DOCK8: variants seen among roughly 807,000 people sequenced by gnomAD.
DOCK8 encodes the protein dedicator of cytokinesis 8, also known as dedicator of cytokinesis protein 8.
Under a neutral mutation model 245.6 loss-of-function variants are expected in DOCK8, and 141 were observed. The observed-to-expected ratio is 0.57, with a 90% CI of 0.50 to 0.66. The LOEUF (loss-of-function observed/expected upper bound fraction) is 0.66. Among genes scored for constraint, DOCK8 ranks in the 30% least tolerant of loss-of-function variants. The pLI is 0.00. For synonymous variants in DOCK8, 1,168 were observed against 970.2 expected (o/e 1.20, Z -3.79); for missense variants, 2,965 against 2,603.4 (o/e 1.14, Z -3.02).
chr9:264,486 T>G (rs1003186230), intron 1 of DOCK8, among the ~76,000 whole-genome samples: 3 of 152,096 alleles, frequency 2.0e-5, no homozygotes, highest in Non-Finnish European at 2.9e-5. Context: ...ATGGCTTGTC[T>G]GTTTATGAGA....
At chr9:302,629 A>G (rs111302361) in intron 4 of DOCK8, among the ~76,000 whole-genome samples, 2 of 152,380 alleles carry the variant, frequency 1.3e-5, no homozygotes, top group East Asian at 1.9e-4. Flanking sequence ...TCCAGAATCT[A>G]TAAGGAACTT....
intron 7 of DOCK8, among the ~76,000 whole-genome samples, chr9:317,535 A>G (rs2050400972): frequency 6.6e-6 from 1 of 152,174 alleles, no homozygotes; most frequent in South Asian, 2.1e-4. Context: ...TGGCGAAAGT[A>G]TTTACAATGT....
intron 1 of DOCK8, among the ~76,000 whole-genome samples, chr9:256,751 A>G (rs1336601046): frequency 1.3e-5 from 2 of 151,574 alleles, no homozygotes; most frequent in Admixed American, 6.6e-5. Flanking sequence ...GTCTCAATAC[A>G]AAAGAATGTG....
intron 32 of DOCK8, among the ~76,000 whole-genome samples, chr9:421,450 A>G (rs2131644373): frequency 6.6e-6 from 1 of 152,156 alleles, no homozygotes; most frequent in East Asian, 2.0e-4. Flanking sequence ...CAAGAAACTG[A>G]ACAGTTCTGG....
intron 46 of DOCK8, among the ~76,000 whole-genome samples, chr9:460,965 C>A (rs184545197): frequency 2.6e-5 from 4 of 152,144 alleles, no homozygotes; most frequent in African/African-American, 9.7e-5. Context: ...CTAATTATTG[C>A]GTGTTAGGTA....
chr9:307,279 G>A (rs117864292), intron 5 of DOCK8, among the ~76,000 whole-genome samples: 2 of 147,334 alleles, frequency 1.4e-5, no homozygotes, highest in Non-Finnish European at 3.0e-5. Context: ...CAAAGCACAC[G>A]CTTTCCTGCA....
chr9:232,289 T>A, intron 1 of DOCK8, among the ~76,000 whole-genome samples: 1 of 152,202 alleles, frequency 6.6e-6, no homozygotes, highest in Non-Finnish European at 1.5e-5. Flanking sequence ...GCTGCTGGAT[T>A]CGGTTTGCCA....
chr9:289,147 T>C (rs2048938709), intron 3 of DOCK8, among the ~76,000 whole-genome samples: 2 of 152,160 alleles, frequency 1.3e-5, no homozygotes, highest in Non-Finnish European at 2.9e-5. Flanking sequence ...GCATAAAAAA[T>C]ATGTCCAAAT....
intron 1 of DOCK8, among the ~76,000 whole-genome samples, chr9:243,121 A>AC (rs1202583788): frequency 1.3e-5 from 2 of 152,186 alleles, no homozygotes; most frequent in African/African-American, 4.8e-5. Flanking sequence ...AAAACTAGAA[A>AC]CAATCCATTA....
At chr9:404,393 A>G (rs918515297) in intron 26 of DOCK8, among the ~76,000 whole-genome samples, 1 of 152,064 alleles carries the variant, frequency 6.6e-6, no homozygotes, top group Non-Finnish European at 1.5e-5. Context: ...TTTTGCAGGT[A>G]CTATGTACTT....
intron 1 of DOCK8, among the ~76,000 whole-genome samples, chr9:241,321 C>T (rs914464196): frequency 2.0e-5 from 3 of 152,114 alleles, no homozygotes; most frequent in Non-Finnish European, 4.4e-5. Flanking sequence ...AGCACTAGAA[C>T]GTATTCCTCC....
At chr9:215,403 CTCCT>C (rs915249160) in intron 1 of DOCK8, 1 of 1,544,820 alleles carries the variant, frequency 6.5e-7, no homozygotes, top group African/African-American at 1.4e-5. Context: ...TCATAAACGG[CTCCT>C]TCCTTTGAGG....
At position 340,306 on chromosome 9, in the gene DOCK8, C is replaced by G. The variant is rs2051519857; in HGVS notation, c.1664C>G (p.Pro555Arg). ...TTTCCAACACGAGAAGTATATGTCC[C>G]TCACACTGTGTACAGGTAAGAAACA... ...LEFPTREVYV[P>R]HTVYRNLLYV... The change falls in exon 14 of 48, where the codon CCT (proline) becomes CGT (arginine). Residue 555 changes from proline to arginine, a missense_variant. Physicochemically the swap from Pro to Arg is moderately radical, Grantham distance 103. Transcript: ENST00000432829. 1.2e-6 allele frequency: 2 copies of G among 1,613,990 alleles called. No individual in the cohort carries two copies. The highest frequency in any genetic ancestry group is 1.7e-6 in the Non-Finnish European group (2 of 1,179,994).
intron 1 of DOCK8, among the ~76,000 whole-genome samples, chr9:254,866 C>T (rs1187992257): frequency 2.0e-5 from 3 of 152,112 alleles, no homozygotes; most frequent in South Asian, 4.1e-4. Context: ...GAACCCTTGG[C>T]GTTATTATAA....
chr9:443,263 T>C (rs2057148896), intron 42 of DOCK8, among the ~76,000 whole-genome samples, 164 bp from the exon 43 acceptor site: 1 of 152,210 alleles, frequency 6.6e-6, no homozygotes, highest in African/African-American at 2.4e-5. Flanking sequence ...TTTATTTTTG[T>C]CTTAGGAAAT....
chr9:410,336 C>A (rs745801841), intron 28 of DOCK8, among the ~76,000 whole-genome samples: 1 of 152,128 alleles, frequency 6.6e-6, no homozygotes, highest in African/African-American at 2.4e-5. Flanking sequence ...ATTTCATAGT[C>A]TTTTGCTGAA....
chr9:440,917 C>A (rs1466093844), intron 40 of DOCK8, among the ~76,000 whole-genome samples: 1 of 151,992 alleles, frequency 6.6e-6, no homozygotes, highest in African/African-American at 2.4e-5. Context: ...AATTTTTTTG[C>A]AGAGATGGGG....
At chr9:424,011 C>T (rs2056385025) in intron 33 of DOCK8, among the ~76,000 whole-genome samples, 1 of 151,488 alleles carries the variant, frequency 6.6e-6, no homozygotes, top group South Asian at 2.1e-4. Flanking sequence ...TGGTGGGCTG[C>T]TGGTTGTCAG....
chr9:453,831 A>G lies in DOCK8; in HGVS notation c.6068+1714A>G, dbSNP rs143449545. ...GGCTTAAAAAAATTTTTTTTCATATATTTTTATTTAAAATTCATTATGGTT... is the reference window on the plus strand; with the variant it reads ...GGCTTAAAAAAATTTTTTTTCATATGTTTTTATTTAAAATTCATTATGGTT... On this transcript the variant is annotated intron_variant, in intron 46 of 47. Transcript: ENST00000432829. 3.7e-3 allele frequency among the ~76,000 whole-genome samples: 556 copies of G among 152,078 alleles called. 2 individuals carry two copies. Among genetic ancestry groups the G allele is most frequent in the African/African-American group, 0.013 (527 of 41,468 alleles).
Sources: gnomAD v4.1 joint callset for allele counts (sites outside exome capture counted in the v4.1 genomes callset) on GRCh38, gnomAD v4.1.1 for gene constraint, MANE v1.5 for transcripts, NCBI Gene and HGNC (gene_info 2026-07-23, HGNC 2026-07-21) for gene names.